COX10: variants seen among roughly 807,000 people sequenced by gnomAD.
The protein encoded by COX10 is cytochrome c oxidase assembly factor heme A:farnesyltransferase COX10.
COX10 carries 27 observed loss-of-function variants against 37.3 expected under a neutral mutation model. That is an observed-to-expected ratio of 0.72 (90% CI 0.53 to 1.00). The LOEUF (loss-of-function observed/expected upper bound fraction) is 1.00, where lower values mean the gene tolerates loss of function less well. Among genes scored for constraint, COX10 ranks in the 50% least tolerant of loss-of-function variants. COX10 has a pLI of 0.00. For synonymous variants in COX10, 222 were observed against 229.1 expected (o/e 0.97, Z 0.28); for missense variants, 475 against 563.2 (o/e 0.84, Z 1.59).
intron 3 of COX10, among the ~76,000 whole-genome samples, chr17:14,095,332 C>CT (rs919107669): frequency 3.6e-4 from 55 of 152,226 alleles, no homozygotes; most frequent in Middle Eastern, 3.4e-3. Context: ...TAATGAAGCC[C>CT]TTTGTCACCA....
intron 4 of COX10, among the ~76,000 whole-genome samples, chr17:14,153,040 A>G (rs9905243): frequency 0.41 from 62,564 of 151,678 alleles, 13,152 homozygotes; most frequent in African/African-American, 0.51. Flanking sequence ...ATCTCACGTA[A>G]GCTTCTTTTG....
At chr17:14,127,643 T>TATA (rs1375368892) in intron 4 of COX10, among the ~76,000 whole-genome samples, 3 of 152,214 alleles carry the variant, frequency 2.0e-5, no homozygotes, top group Non-Finnish European at 4.4e-5. Flanking sequence ...ATAAAAATTA[T>TATA]ATACGTGTGT....
At chr17:14,194,853 G>A (rs544553197) in intron 6 of COX10, among the ~76,000 whole-genome samples, 5 of 152,306 alleles carry the variant, frequency 3.3e-5, no homozygotes, top group East Asian at 3.9e-4. Context: ...ATGAAAGTAC[G>A]TATTTGTCTT....
chr17:14,074,350 T>A lies in COX10; in HGVS notation c.71T>A (p.Leu24His). The change falls in exon 2 of 7, where the codon CTT (leucine) becomes CAT (histidine). Residue 24 changes from leucine to histidine, a missense_variant. Around this residue, in one of 5 missense-constraint regions of COX10, gnomAD observed 242 missense variants for 242.5 expected, o/e 1.00. Coordinates refer to ENST00000261643, the MANE Select transcript of COX10 (RefSeq NM_001303.4). Reference sequence around the variant, plus strand: ...TGCGTAGGAGGCTCTGTCTGGTATCTTGAAAGAAGAACTATACAGGACTCC... The same window carrying A: ...TGCGTAGGAGGCTCTGTCTGGTATCATGAAAGAAGAACTATACAGGACTCC... Reference protein sequence around the residue: ...TGCVGGSVWYLERRTIQDSPH... With the variant: ...TGCVGGSVWYHERRTIQDSPH... The A allele has an allele frequency of 6.2e-7, 1 of 1,614,120 alleles. No homozygotes were observed. Among genetic ancestry groups the A allele is most frequent in the Non-Finnish European group, 8.5e-7 (1 of 1,179,966 alleles).
intron 4 of COX10, among the ~76,000 whole-genome samples, chr17:14,105,387 G>C (rs572874841): frequency 6.6e-6 from 1 of 152,262 alleles, no homozygotes; most frequent in East Asian, 1.9e-4. Flanking sequence ...AAATGAAATT[G>C]CTGGGAGGAT....
chr17:14,188,161 G>C (rs1413244054), intron 5 of COX10, among the ~76,000 whole-genome samples: 1 of 122,662 alleles, frequency 8.2e-6, no homozygotes, highest in Non-Finnish European at 1.7e-5. Context: ...ATGTTTATCA[G>C]CCACATTTTT....
intron 4 of COX10, among the ~76,000 whole-genome samples, chr17:14,123,169 C>G (rs1916264829): frequency 6.6e-6 from 1 of 152,192 alleles, no homozygotes; most frequent in African/African-American, 2.4e-5. Context: ...GAGTAGGAAA[C>G]TGAGGCCCAG....
intron 4 of COX10, among the ~76,000 whole-genome samples, chr17:14,135,033 G>A (rs77504685): frequency 0.012 from 1,811 of 151,538 alleles, 29 homozygotes; most frequent in African/African-American, 0.042. Flanking sequence ...AGTATATAAC[G>A]ATGCATATAA....
chr17:14,164,294 A>G (rs922436613), intron 5 of COX10, among the ~76,000 whole-genome samples: 6 of 152,202 alleles, frequency 3.9e-5, no homozygotes, highest in Admixed American at 3.9e-4. Flanking sequence ...ATATGCATTT[A>G]TACAGTTCCT....
chr17:14,207,056 TCTC>T lies in COX10; in HGVS notation c.1178_1180del (p.Ser393del), dbSNP rs1567615330. ...ATGGCCCTTCCCATCAATGCGTACATCTCCTACCTCGGCTTCCGCTTCTACGTG... is the reference window on the plus strand; with the variant it reads ...ATGGCCCTTCCCATCAATGCGTACATCTACCTCGGCTTCCGCTTCTACGTG... On this transcript the variant is annotated inframe_deletion, in exon 7 of 7. Transcript: ENST00000261643. 6.2e-7 allele frequency: 1 copy of T among 1,613,988 alleles called. No homozygotes were observed. The highest frequency in any genetic ancestry group is 1.7e-5 in the Admixed American group (1 of 60,024).
chr17:14,186,693 G>GTAA (rs915052202), intron 5 of COX10, among the ~76,000 whole-genome samples: 1 of 151,802 alleles, frequency 6.6e-6, no homozygotes, highest in African/African-American at 2.4e-5. Flanking sequence ...GCATAATGGA[G>GTAA]TAAACTGAAG....
At chr17:14,203,935 G>A (rs949831829) in intron 6 of COX10, among the ~76,000 whole-genome samples, 45 of 152,124 alleles carry the variant, frequency 3.0e-4, no homozygotes, top group African/African-American at 9.9e-4. Context: ...TGAACTCTCA[G>A]TTCTCTGCCA....
At chr17:14,164,133 C>G (rs1489213748) in intron 5 of COX10, among the ~76,000 whole-genome samples, 1 of 152,196 alleles carries the variant, frequency 6.6e-6, no homozygotes, top group Non-Finnish European at 1.5e-5. Flanking sequence ...GATAAAAGTT[C>G]TCAAGATCTT....
chr17:14,071,605 C>T (rs184680968), intron 1 of COX10, among the ~76,000 whole-genome samples: 6 of 151,966 alleles, frequency 3.9e-5, no homozygotes, highest in Non-Finnish European at 7.4e-5. Flanking sequence ...CATCACTGGC[C>T]GGGCGCAGTA....
chr17:14,122,912 C>T (rs1030778123), intron 4 of COX10, among the ~76,000 whole-genome samples: 4 of 152,220 alleles, frequency 2.6e-5, no homozygotes, highest in African/African-American at 9.6e-5. Context: ...GCTGCTTCTA[C>T]ATGGCATCCG....
chr17:14,112,651 G>A (rs185865710), intron 4 of COX10, among the ~76,000 whole-genome samples: 60 of 152,272 alleles, frequency 3.9e-4, no homozygotes, highest in Admixed American at 3.4e-3. Context: ...GGGAGTGGCC[G>A]TTTCTACCTG....
chr17:14,200,385 A>T (rs1906511344), intron 6 of COX10, among the ~76,000 whole-genome samples: 2 of 152,236 alleles, frequency 1.3e-5, no homozygotes, highest in South Asian at 4.1e-4. Flanking sequence ...GAGAGAATAT[A>T]AAAATACATA....
chr17:14,189,055 C>T (rs1215485171), intron 5 of COX10, among the ~76,000 whole-genome samples: 2 of 146,494 alleles, frequency 1.4e-5, no homozygotes, highest in East Asian at 4.0e-4. Flanking sequence ...CATGTTTCAC[C>T]TCCTGTTATA....
intron 4 of COX10, among the ~76,000 whole-genome samples, chr17:14,114,888 T>G (rs1033112127): frequency 2.0e-5 from 3 of 152,120 alleles, no homozygotes; most frequent in Non-Finnish European, 4.4e-5. Flanking sequence ...AGGGCTTAAT[T>G]TAATCTTTTC....
Sources: allele counts gnomAD v4.1 joint callset (sites outside exome capture counted in the v4.1 genomes callset), GRCh38; gene constraint gnomAD v4.1.1; regional missense constraint gnomAD v4.1.1; transcripts MANE v1.5; gene names NCBI Gene and HGNC (gene_info 2026-07-23, HGNC 2026-07-21).